The following ZDHHC14 variants were observed in gnomAD, a reference collection of about 807,000 sequenced individuals.
The protein encoded by ZDHHC14 is zDHHC palmitoyltransferase 14.
A neutral mutation model predicts 47.7 loss-of-function variants in ZDHHC14; 16 were observed. The observed-to-expected ratio is 0.34, with a 90% confidence interval of 0.23 to 0.51. The LOEUF is 0.51. ZDHHC14 is among the 20% of genes least tolerant of loss of function. The pLI is 0.97. For missense variants in ZDHHC14, 515 were observed against 662.5 expected, an observed-to-expected ratio of 0.78 and a Z score of 2.44; for synonymous variants, 293 against 278.9, an observed-to-expected ratio of 1.05 and a Z score of -0.50.
At chr6:157,614,662 C>G (rs1784889899) in intron 3 of ZDHHC14, among the ~76,000 whole-genome samples, 1 of 152,196 alleles carries the variant, frequency 6.6e-6, no homozygotes, top group Non-Finnish European at 1.5e-5. Context: ...GGCCGTAACA[C>G]TATGGCAGTT....
Position 157,562,014 on chromosome 6 carries a change from C to T in ZDHHC14, c.406+19269C>T, listed in dbSNP as rs1171491675. Among the ~76,000 whole-genome samples, 3 of 152,044 alleles carry T rather than the reference C, an allele frequency of 2.0e-5. No individual in the cohort carries two copies. In the East Asian group the frequency reaches 5.8e-4, roughly 29 times the overall value. ...AGGTTTTTGTGGGTTCAGTGAGAAA[C>T]CTGGGTGTTTATAACATATAAACAA... On this transcript the variant is annotated intron_variant, in intron 2 of 8. Coordinates refer to ENST00000359775, the MANE Select transcript of ZDHHC14 (RefSeq NM_024630.3).
At chr6:157,648,196 T>A (rs1777652563) in intron 7 of ZDHHC14, among the ~76,000 whole-genome samples, 1 of 152,238 alleles carries the variant, frequency 6.6e-6, no homozygotes, top group South Asian at 2.1e-4. Flanking sequence ...AATCAAACCA[T>A]GATCAACAAA....
chr6:157,381,444 C>T lies in ZDHHC14; in HGVS notation c.-578C>T. 3.3e-6 allele frequency: 1 copy of T among 305,386 alleles called. No homozygotes were observed. Among genetic ancestry groups the T allele is most frequent in the Non-Finnish European group, 6.7e-6 (1 of 149,664 alleles). The allele number at this position is 305,386 out of a possible 1,614,324, so 18.9% of individuals were successfully genotyped here. On this transcript the variant is annotated 5_prime_UTR_variant, in exon 1 of 9. Coordinates refer to ENST00000359775, the MANE Select transcript of ZDHHC14 (RefSeq NM_024630.3). Reference sequence around the variant, plus strand: ...GACAGAAAAACGTGCGTGGTTGTCCCCACCCCTGGGAGGGGTTGCCGGTGC... The same window carrying T: ...GACAGAAAAACGTGCGTGGTTGTCCTCACCCCTGGGAGGGGTTGCCGGTGC...
At chr6:157,473,717 C>T (rs1431564758) in intron 1 of ZDHHC14, among the ~76,000 whole-genome samples, 1 of 152,160 alleles carries the variant, frequency 6.6e-6, no homozygotes, top group Non-Finnish European at 1.5e-5. Flanking sequence ...TCACACGTAA[C>T]CTCATGTGAC....
intron 2 of ZDHHC14, among the ~76,000 whole-genome samples, chr6:157,560,139 T>C (rs1252897299): frequency 1.3e-5 from 2 of 152,212 alleles, no homozygotes; most frequent in Non-Finnish European, 2.9e-5. Flanking sequence ...TCTAAAGTCA[T>C]GCCCACGGAA....
At chr6:157,448,368 C>G (rs1042443664) in intron 1 of ZDHHC14, among the ~76,000 whole-genome samples, 1 of 151,940 alleles carries the variant, frequency 6.6e-6, no homozygotes, top group African/African-American at 2.4e-5. Flanking sequence ...ATAAATGTGG[C>G]GGATATCTAT....
intron 2 of ZDHHC14, among the ~76,000 whole-genome samples, chr6:157,556,498 C>T (rs1782469359): frequency 6.6e-6 from 1 of 152,248 alleles, no homozygotes; most frequent in South Asian, 2.1e-4. Flanking sequence ...TGAGCTCATG[C>T]CCTCACTGTG....
chr6:157,617,561 CA>C (rs1215376477), intron 3 of ZDHHC14, among the ~76,000 whole-genome samples: 3 of 152,166 alleles, frequency 2.0e-5, no homozygotes, highest in Non-Finnish European at 4.4e-5. Context: ...TTTGGAGAAG[CA>C]TGCCAATTGG....
intron 3 of ZDHHC14, among the ~76,000 whole-genome samples, chr6:157,606,737 G>A (rs369533701): frequency 2.0e-5 from 3 of 152,358 alleles, no homozygotes; most frequent in Non-Finnish European, 1.5e-5. Flanking sequence ...CCGCGGTCAA[G>A]AACTTTGCTT....
At chr6:157,413,084 G>A (rs1438551886) in intron 1 of ZDHHC14, among the ~76,000 whole-genome samples, 1 of 152,212 alleles carries the variant, frequency 6.6e-6, no homozygotes, top group Non-Finnish European at 1.5e-5. Flanking sequence ...CGGTGAATGA[G>A]GGAGGAAGTG....
chr6:157,484,208 C>G (rs1489695741), intron 1 of ZDHHC14, among the ~76,000 whole-genome samples: 1 of 149,880 alleles, frequency 6.7e-6, no homozygotes, highest in African/African-American at 2.5e-5. Flanking sequence ...GGCGTAGTAC[C>G]TGGGTGACAA....
Position 157,633,327 on chromosome 6 carries a change from G to A in ZDHHC14, c.752+445G>A, listed in dbSNP as rs911045161. Among the ~76,000 whole-genome samples, 8 of 152,202 alleles carry A rather than the reference G, an allele frequency of 5.3e-5. No homozygotes were observed. The East Asian group carries it at 5.8e-4, about 11-fold the overall frequency. ...TGTTGGGGGTTACAGTTTGCCATTC[G>A]GATTACTGTATTATTTCCAGGAACA... On this transcript the variant is annotated intron_variant, in intron 5 of 8. Coordinates refer to ENST00000359775, the MANE Select transcript of ZDHHC14 (RefSeq NM_024630.3).
In ZDHHC14 at chr6:157,529,329, G is replaced by A. The variant is rs934543395; in HGVS notation, c.246-13256G>A. 2.0e-5 allele frequency: 3 copies of A among 153,144 alleles called. No homozygotes were observed. The Admixed American group carries it at 2.0e-4, about 10-fold the overall frequency. The allele number at this position is 153,144 out of a possible 1,614,324, so 9.5% of individuals were successfully genotyped here. ...AAAGTTTATGTTTTAGCATTGTACT[G>A]GTCAGAATCCTCCAGTATTTAAGCA... On this transcript the variant is annotated intron_variant, in intron 1 of 8. Transcript: ENST00000359775.
At chr6:157,667,540 TG>T (rs1053230683) in intron 8 of ZDHHC14, among the ~76,000 whole-genome samples, 17 of 151,172 alleles carry the variant, frequency 1.1e-4, no homozygotes, top group African/African-American at 4.1e-4. Context: ...GGAAGAGAGT[TG>T]GTGAGTCCAG....
In ZDHHC14 at chr6:157,553,031, G is replaced by T. The variant is rs968924565; in HGVS notation, c.406+10286G>T. 6.2e-4 allele frequency among the ~76,000 whole-genome samples: 94 copies of T among 152,220 alleles called. 1 individual carries two copies. Among genetic ancestry groups the T allele is most frequent in the Admixed American group, 2.0e-4 (3 of 15,282 alleles). Reference sequence around the variant, plus strand: ...GTGCAGTGGGGTTTGCAGTAGGGAAGAGGCATTGGGCTCCGCTCCAAATAC... The same window carrying T: ...GTGCAGTGGGGTTTGCAGTAGGGAATAGGCATTGGGCTCCGCTCCAAATAC... On this transcript the variant is annotated intron_variant, in intron 2 of 8. Coordinates refer to ENST00000359775, the MANE Select transcript of ZDHHC14 (RefSeq NM_024630.3).
In ZDHHC14 at chr6:157,676,396, T is replaced by G. The variant is rs1336548468; in HGVS notation, c.*3274T>G. 1 of 151,266 alleles carries G rather than the reference T, an allele frequency of 6.6e-6. No individual in the cohort carries two copies. Among genetic ancestry groups the G allele is most frequent in the Admixed American group, 6.6e-5 (1 of 15,178 alleles). 9.4% of individuals were successfully genotyped at this position (151,266 alleles called of 1,614,324 possible). A position where few individuals can be genotyped will look rare whatever the true frequency, so the allele number is the denominator to read the frequency against. ...GGCCCAGAATGGCACAAGGGAGGAGTCTTTGCAGAGTTCCACGCCACCCCC... is the reference window on the plus strand; with the variant it reads ...GGCCCAGAATGGCACAAGGGAGGAGGCTTTGCAGAGTTCCACGCCACCCCC... On this transcript the variant is annotated 3_prime_UTR_variant, in exon 9 of 9. Transcript: ENST00000359775.
chr6:157,382,174 T>C lies in ZDHHC14; in HGVS notation c.153T>C (p.Cys51=), dbSNP rs1319891070. The C allele has an allele frequency of 3.3e-5, 54 of 1,613,536 alleles. No individual in the cohort carries two copies. The highest frequency in any genetic ancestry group is 4.6e-5 in the Non-Finnish European group (54 of 1,179,886). ...EVFPGRNKFF[C]NGRIMMARQT... ...TCCCGGGAAGAAACAAGTTCTTCTG[T>C]AACGGGAGGATCATGATGGCCCGGC... Residue 51 remains cysteine, a synonymous_variant, in exon 1 of 9, where the codon TGT becomes TGC. Coordinates refer to ENST00000359775, the MANE Select transcript of ZDHHC14 (RefSeq NM_024630.3).
At chr6:157,639,940 C>T (rs764641977) in intron 5 of ZDHHC14, among the ~76,000 whole-genome samples, 4 of 152,172 alleles carry the variant, frequency 2.6e-5, no homozygotes, top group African/African-American at 7.2e-5. Flanking sequence ...CTTTAGTTGC[C>T]TGCATGTAAT....
chr6:157,389,212 A>G (rs547585618), intron 1 of ZDHHC14, among the ~76,000 whole-genome samples: 2 of 152,302 alleles, frequency 1.3e-5, no homozygotes, highest in African/African-American at 4.8e-5. Context: ...TGCAAGACTA[A>G]AGAACTCTGT....
Sources: gnomAD v4.1 joint callset for allele counts (sites outside exome capture counted in the v4.1 genomes callset) on GRCh38, gnomAD v4.1.1 for gene constraint, MANE v1.5 for transcripts, NCBI Gene and HGNC (gene_info 2026-07-23, HGNC 2026-07-21) for gene names.